Variants in FILIP1L observed in about 807,000 individuals in gnomAD.
The protein encoded by FILIP1L is filamin A interacting protein 1 like.
Under a neutral mutation model 96.6 loss-of-function variants are expected in FILIP1L, and 55 were observed. The ratio of observed to expected loss-of-function variants is 0.57; its 90% CI spans 0.46 to 0.71. FILIP1L has a LOEUF of 0.71. FILIP1L is among the 30% of genes least tolerant of loss of function. The pLI, the probability that FILIP1L is intolerant of heterozygous loss-of-function variation, is 0.00. For missense variants in FILIP1L, 1,304 were observed against 1,321.2 expected, an observed-to-expected ratio of 0.99 and a Z score of 0.20; for synonymous variants, 467 against 473.9, an observed-to-expected ratio of 0.99 and a Z score of 0.19.
intron 1 of FILIP1L, among the ~76,000 whole-genome samples, chr3:99,931,567 G>C (rs969795930): frequency 2.6e-5 from 4 of 152,102 alleles, no homozygotes; most frequent in Non-Finnish European, 5.9e-5. Flanking sequence ...CAGAATTACT[G>C]CATTATTTTG....
In FILIP1L at chr3:99,948,979, A is replaced by T. The variant is rs12490054; in HGVS notation, c.-10-17949T>A. Among the ~76,000 whole-genome samples, 1,230 of 152,292 alleles carry T rather than the reference A, an allele frequency of 8.1e-3. 19 individuals are homozygous for T. The highest frequency in any genetic ancestry group is 0.021 in the Admixed American group (321 of 15,296). ...TTTGCATAACTGTGTGGTCTTAAAA[A>T]TGTGGCCAATTCTTTCAAGATATAT... On this transcript the variant is annotated intron_variant, in intron 1 of 5. Coordinates refer to ENST00000477258, the MANE Select transcript of FILIP1L (RefSeq NM_001387850.1).
At chr3:100,043,493 G>A (rs1009916909) in intron 1 of FILIP1L, among the ~76,000 whole-genome samples, 1 of 152,048 alleles carries the variant, frequency 6.6e-6, no homozygotes, top group Non-Finnish European at 1.5e-5. Flanking sequence ...AGGCCAGTAG[G>A]TATTTATTAT....
intron 4 of FILIP1L, among the ~76,000 whole-genome samples, chr3:99,906,439 G>A (rs1162682412): frequency 2.0e-5 from 3 of 152,036 alleles, no homozygotes; most frequent in Admixed American, 1.3e-4. Flanking sequence ...TCTTTTGTTG[G>A]TTATACATAA....
At chr3:99,954,345 C>T (rs2107692654) in intron 1 of FILIP1L, among the ~76,000 whole-genome samples, 1 of 152,260 alleles carries the variant, frequency 6.6e-6, no homozygotes, top group South Asian at 2.1e-4. Flanking sequence ...CACTTTGGGC[C>T]AGTATCTCAC....
At chr3:100,112,858 G>A (rs1447476051) in intron 1 of FILIP1L, among the ~76,000 whole-genome samples, 1 of 152,204 alleles carries the variant, frequency 6.6e-6, no homozygotes, top group Non-Finnish European at 1.5e-5. Flanking sequence ...TTTCATAATA[G>A]TGTCAACTGA....
chr3:100,088,346 T>C (rs2066048311), intron 1 of FILIP1L, among the ~76,000 whole-genome samples: 5 of 152,138 alleles, frequency 3.3e-5, no homozygotes, highest in Admixed American at 3.3e-4. Context: ...CATTATGGAA[T>C]ACAGATACCT....
intron 4 of FILIP1L, among the ~76,000 whole-genome samples, chr3:99,922,525 T>C (rs2107652198): frequency 6.6e-6 from 1 of 152,230 alleles, no homozygotes; most frequent in East Asian, 1.9e-4. Flanking sequence ...TCCGAAAAAA[T>C]GCCTACCATA....
chr3:99,981,063 G>A (rs1320711468), intron 1 of FILIP1L, among the ~76,000 whole-genome samples: 1 of 152,136 alleles, frequency 6.6e-6, no homozygotes, highest in Non-Finnish European at 1.5e-5. Flanking sequence ...AAGAGGCAAA[G>A]GTTTTAGAAA....
intron 5 of FILIP1L, among the ~76,000 whole-genome samples, chr3:99,835,509 A>G (rs889175974): frequency 8.5e-5 from 13 of 152,192 alleles, no homozygotes; most frequent in African/African-American, 2.7e-4. Context: ...TATGAGCACT[A>G]TTTAAGTCCT....
chr3:99,854,600 A>C (rs1413731940), intron 4 of FILIP1L, among the ~76,000 whole-genome samples: 1 of 152,166 alleles, frequency 6.6e-6, no homozygotes, highest in African/African-American at 2.4e-5. Context: ...TTCATTGTGG[A>C]GATCATCTTG....
chr3:99,974,650 T>C (rs1221969706), intron 1 of FILIP1L, among the ~76,000 whole-genome samples: 5 of 152,146 alleles, frequency 3.3e-5, no homozygotes, highest in African/African-American at 1.2e-4. Context: ...GAGGTTGTGA[T>C]GAGCCAAGGT....
At chr3:99,851,851 G>A (rs1943712494) in intron 4 of FILIP1L, among the ~76,000 whole-genome samples, 1 of 152,208 alleles carries the variant, frequency 6.6e-6, no homozygotes, top group South Asian at 2.1e-4. Context: ...TATCCTCATA[G>A]TGGATAGCAA....
chr3:100,026,619 G>T (rs1266908861), intron 1 of FILIP1L, among the ~76,000 whole-genome samples: 1 of 152,136 alleles, frequency 6.6e-6, no homozygotes, highest in African/African-American at 2.4e-5. Context: ...ACTTGGAGTT[G>T]TCCTTCACTC....
intron 4 of FILIP1L, among the ~76,000 whole-genome samples, chr3:99,892,103 G>A (rs1214937211): frequency 1.3e-5 from 2 of 152,194 alleles, no homozygotes; most frequent in African/African-American, 4.8e-5. Flanking sequence ...CCAAACCTCT[G>A]TGAGAAATAG....
intron 1 of FILIP1L, among the ~76,000 whole-genome samples, chr3:99,997,778 G>A (rs1008465054): frequency 6.6e-6 from 1 of 152,140 alleles, no homozygotes; most frequent in African/African-American, 2.4e-5. Context: ...AATAAGAATA[G>A]CATGAGGTAA....
intron 1 of FILIP1L, among the ~76,000 whole-genome samples, chr3:99,992,736 G>C (rs1709561161): frequency 6.6e-6 from 1 of 151,592 alleles, no homozygotes; most frequent in Non-Finnish European, 1.5e-5. Context: ...TAAATTCTTT[G>C]CCTAGGCCAA....
rs1330012873 is a variant in FILIP1L at position 99,836,191 on chromosome 3, C to T, written c.3382-5586G>A. The stretch of plus-strand genomic sequence containing the variant: ...TAGATTAACTATCTTACAGTACCAT[C>T]TGTCCTAAATTCTGGGCTTGGGGAG... On this transcript the variant is annotated intron_variant, in intron 5 of 5. Transcript: ENST00000477258. Among the ~76,000 whole-genome samples the T allele has an allele frequency of 2.0e-5, 3 of 152,134 alleles. No individual in the cohort carries two copies. In the East Asian group the frequency reaches 5.8e-4, roughly 29 times the overall value.
Position 99,942,524 on chromosome 3 carries a change from A to G in FILIP1L, c.-10-11494T>C, listed in dbSNP as rs542469417. Among the ~76,000 whole-genome samples, 5 of 152,352 alleles carry G rather than the reference A, an allele frequency of 3.3e-5. No individual in the cohort carries two copies. In the South Asian group the frequency reaches 1.0e-3, roughly 32 times the overall value. On this transcript the variant is annotated intron_variant, in intron 1 of 5. Coordinates refer to ENST00000477258, the MANE Select transcript of FILIP1L (RefSeq NM_001387850.1). Reference sequence around the variant, plus strand: ...AAAGCACTAGGCACATATTGGATACATAAACATTTTAAGAAGTGGTTTCCT... The same window carrying G: ...AAAGCACTAGGCACATATTGGATACGTAAACATTTTAAGAAGTGGTTTCCT...
At chr3:99,952,903 A>G (rs1476578275) in intron 1 of FILIP1L, among the ~76,000 whole-genome samples, 2 of 152,130 alleles carry the variant, frequency 1.3e-5, no homozygotes, top group African/African-American at 2.4e-5. Context: ...ATAGAGGTAT[A>G]CCCCCAAAAT....
Sources: gnomAD v4.1 joint callset for allele counts (sites outside exome capture counted in the v4.1 genomes callset) on GRCh38, gnomAD v4.1.1 for gene constraint, MANE v1.5 for transcripts, NCBI Gene and HGNC (gene_info 2026-07-23, HGNC 2026-07-21) for gene names.